Variants in MLIP observed in about 807,000 individuals in gnomAD.
MLIP encodes muscular LMNA interacting protein, also known as muscular LMNA-interacting protein.
In MLIP, 79 loss-of-function variants were observed where a neutral mutation model predicts 84.8. The observed-to-expected ratio is 0.93, with a 90% CI of 0.78 to 1.12. MLIP has a LOEUF of 1.12. Among genes scored for constraint, MLIP ranks in the 50% most tolerant of loss-of-function variants. MLIP has a pLI of 0.00. For missense variants in MLIP, 1,257 were observed against 1,160.6 expected, an observed-to-expected ratio of 1.08 and a Z score of -1.21; for synonymous variants, 504 against 463.0, an observed-to-expected ratio of 1.09 and a Z score of -1.14.
intron 1 of MLIP, among the ~76,000 whole-genome samples, chr6:54,082,636 G>A (rs1397920032): frequency 5.3e-5 from 8 of 152,114 alleles, no homozygotes; most frequent in African/African-American, 1.9e-4. Flanking sequence ...TTAGCAATAT[G>A]GGACCTGTTG....
intron 1 of MLIP, among the ~76,000 whole-genome samples, chr6:54,048,999 C>T (rs1765228897): frequency 6.6e-6 from 1 of 152,114 alleles, no homozygotes; most frequent in Non-Finnish European, 1.5e-5. Context: ...TGTCCTGGGT[C>T]ATCTGGCTAC....
intron 1 of MLIP, among the ~76,000 whole-genome samples, chr6:54,089,243 T>C (rs1244755214): frequency 1.3e-5 from 2 of 152,152 alleles, no homozygotes; most frequent in Admixed American, 6.6e-5. Flanking sequence ...ATCATTAAAA[T>C]AGAAAAGCCC....
chr6:54,103,972 C>T (rs1768833315), intron 1 of MLIP, among the ~76,000 whole-genome samples: 1 of 152,092 alleles, frequency 6.6e-6, no homozygotes, highest in South Asian at 2.1e-4. Context: ...CCCTGGTGAG[C>T]TGAGCCTGAG....
At chr6:54,222,520 A>G (rs1168350014) in intron 11 of MLIP, among the ~76,000 whole-genome samples, 1 of 151,992 alleles carries the variant, frequency 6.6e-6, no homozygotes, top group Non-Finnish European at 1.5e-5. Flanking sequence ...CCTCCAGGTT[A>G]ATTTATATTG....
intron 10 of MLIP, among the ~76,000 whole-genome samples, chr6:54,192,917 A>G (rs1778046453): frequency 6.6e-6 from 1 of 152,322 alleles, no homozygotes. Context: ...GTGCTATGGT[A>G]CCACAAGCTT....
chr6:54,075,602 G>C (rs1023108541), intron 1 of MLIP, among the ~76,000 whole-genome samples: 1 of 152,036 alleles, frequency 6.6e-6, no homozygotes, highest in Admixed American at 6.6e-5. Flanking sequence ...TGGAGATTCT[G>C]TCATATATGC....
chr6:54,149,852 G>A (rs186360440), intron 5 of MLIP, among the ~76,000 whole-genome samples: 4 of 152,034 alleles, frequency 2.6e-5, no homozygotes, highest in African/African-American at 4.8e-5. Flanking sequence ...AATATGTTAC[G>A]CATGTTTAAA....
chr6:54,039,773 C>A (rs1764641965), intron 1 of MLIP, among the ~76,000 whole-genome samples: 1 of 151,856 alleles, frequency 6.6e-6, no homozygotes, highest in South Asian at 2.1e-4. Flanking sequence ...AAGCAAGCAT[C>A]ATCTATGTTG....
chr6:54,044,219 G>A (rs1764904181), intron 1 of MLIP, among the ~76,000 whole-genome samples: 1 of 152,096 alleles, frequency 6.6e-6, no homozygotes, highest in Non-Finnish European at 1.5e-5. Context: ...ATGGTCTTTG[G>A]TTTCTGGTTC....
chr6:54,248,866 C>A (rs1449357555), intron 12 of MLIP, among the ~76,000 whole-genome samples: 2 of 151,928 alleles, frequency 1.3e-5, no homozygotes, highest in Non-Finnish European at 2.9e-5. Context: ...GCTTACGAAA[C>A]AATTAACATG....
Position 54,023,304 on chromosome 6 carries a change from T to TA in MLIP, c.63+4219dup, listed in dbSNP as rs200698029. Among the ~76,000 whole-genome samples, 433 of 151,848 alleles carry TA rather than the reference T, an allele frequency of 2.9e-3. 4 individuals are homozygous for TA. The highest frequency in any genetic ancestry group is 0.01 in the African/African-American group (421 of 41,496). ...ATGCCATAAATATTGCTACCTTGAG[T>TA]AAAAAAGCAACTCTTTGAGATTGAG... On this transcript the variant is annotated intron_variant, in intron 1 of 12. Coordinates refer to the MLIP transcript ENST00000274897.
At chr6:54,128,752 C>T (rs569581582) in intron 3 of MLIP, among the ~76,000 whole-genome samples, 6 of 152,202 alleles carry the variant, frequency 3.9e-5, no homozygotes, top group Admixed American at 3.3e-4. Flanking sequence ...GGGTGAGTTA[C>T]TTGAAATCAT....
chr6:54,158,611 CAA>C (rs1774292698), intron 5 of MLIP, among the ~76,000 whole-genome samples: 1 of 151,946 alleles, frequency 6.6e-6, no homozygotes, highest in South Asian at 2.1e-4. Flanking sequence ...GATTAAAAAA[CAA>C]GTCAAGCCAC....
In MLIP at chr6:54,200,400, G is replaced by T. The variant is rs1435198788; in HGVS notation, c.2590-1705G>T. Reference sequence around the variant, plus strand: ...TTACAGCCTTGTAGCCCGAGTCCTGGAGTTGCATTTATTTTCTGCCTCACA... The same window carrying T: ...TTACAGCCTTGTAGCCCGAGTCCTGTAGTTGCATTTATTTTCTGCCTCACA... On this transcript the variant is annotated intron_variant, in intron 10 of 13. Transcript: ENST00000502396. Among the ~76,000 whole-genome samples the T allele has an allele frequency of 2.0e-5, 3 of 151,710 alleles. No individual in the cohort carries two copies. In the East Asian group the frequency reaches 5.8e-4, roughly 29 times the overall value.
chr6:54,234,145 T>A (rs2150814681), intron 12 of MLIP, among the ~76,000 whole-genome samples: 1 of 152,174 alleles, frequency 6.6e-6, no homozygotes, highest in Non-Finnish European at 1.5e-5. Flanking sequence ...TCCTTAAAAG[T>A]GAGATAGCCC....
At chr6:54,160,649 T>C in intron 7 of MLIP, 50 bp downstream of exon 7, 1 of 1,538,984 alleles carries the variant, frequency 6.5e-7, no homozygotes, top group Non-Finnish European at 9.0e-7. Flanking sequence ...TTTGCTTCTC[T>C]TCATTTTCCT....
rs1352319968 is a variant in MLIP, at chr6:54,266,111, A to G, written c.*156A>G. ...ACCAAAAAAAAAGTTTGCTGCAATT[A>G]TATAGCATCACAGTGCTCTGCTAAC... On this transcript the variant is annotated 3_prime_UTR_variant, in exon 14 of 14. Coordinates refer to ENST00000502396, the MANE Select transcript of MLIP (RefSeq NM_001281747.2). 4.4e-6 allele frequency: 3 copies of G among 680,316 alleles called. No individual in the cohort carries two copies. The highest frequency in any genetic ancestry group is 5.3e-5 in the Admixed American group (2 of 37,626). The allele number at this position is 680,316 out of a possible 1,614,324, so 42.1% of individuals were successfully genotyped here.
chr6:54,173,218 A>T (rs1247215310), intron 9 of MLIP, among the ~76,000 whole-genome samples: 1 of 151,732 alleles, frequency 6.6e-6, no homozygotes, highest in East Asian at 1.9e-4. Context: ...GAGCAGGCAA[A>T]ACCCAACCCA....
chr6:54,265,589 G>A (rs887023663), intron 13 of MLIP, among the ~76,000 whole-genome samples: 3 of 152,134 alleles, frequency 2.0e-5, no homozygotes, highest in Non-Finnish European at 4.4e-5. Context: ...CTAAAGTGAA[G>A]TTAAGTCATC....
Sources: gnomAD v4.1 joint callset for allele counts (sites outside exome capture counted in the v4.1 genomes callset) on GRCh38, gnomAD v4.1.1 for gene constraint, MANE v1.5 for transcripts, NCBI Gene and HGNC (gene_info 2026-07-23, HGNC 2026-07-21) for gene names.